Variants in GLE1 observed in about 807,000 individuals in gnomAD.
The protein encoded by GLE1 is mRNA export factor GLE1.
GLE1 carries 78 observed loss-of-function variants against 97.3 expected under a neutral mutation model. That is an observed-to-expected ratio of 0.80 (90% CI 0.67 to 0.97). GLE1 has a LOEUF of 0.97. Ranked by LOEUF, GLE1 falls within the 50% of genes least tolerant of loss-of-function variation. The probability of loss-of-function intolerance (pLI) is 0.00; values close to 1 mark genes in which losing one functional copy is unlikely to be tolerated. For synonymous variants in GLE1, 302 were observed against 313.4 expected (o/e 0.96, Z 0.39); for missense variants, 753 against 857.5 (o/e 0.88, Z 1.52).
chr9:128,509,981 GT>G (rs967548735), intron 2 of GLE1, among the ~76,000 whole-genome samples: 5 of 152,102 alleles, frequency 3.3e-5, no homozygotes, highest in African/African-American at 1.2e-4. Flanking sequence ...AATTTTGGAA[GT>G]TTTTTAAAAT....
intron 3 of GLE1, among the ~76,000 whole-genome samples, chr9:128,516,231 T>TA (rs951346365): frequency 6.6e-6 from 1 of 152,246 alleles, no homozygotes; most frequent in Non-Finnish European, 1.5e-5. Flanking sequence ...GTGCTGGGAT[T>TA]ACAGGCATGA....
In GLE1 at chr9:128,538,017, G is replaced by T. The variant is rs376686581; in HGVS notation, c.1808G>T (p.Arg603Leu). 1.9e-6 allele frequency: 3 copies of T among 1,611,550 alleles called. No individual in the cohort carries two copies. Among genetic ancestry groups the T allele is most frequent in the Non-Finnish European group, 2.5e-6 (3 of 1,177,830 alleles). The change falls in exon 13 of 16, where the codon CGC (arginine) becomes CTC (leucine). Residue 603 changes from arginine to leucine, a missense_variant. By Grantham distance (102) the Arg-to-Leu change is moderately radical. Transcript: ENST00000309971. The stretch of plus-strand genomic sequence containing the variant: ...CCTCATGGCTTAAATCATGGATGGC[G>T]CTGGTTGGCACAGATCTTAAACATG... ...IHPHGLNHGW[R>L]WLAQILNMEP... is the part of the protein sequence containing the mutation.
chr9:128,539,853 T>G, intron 14 of GLE1, 155 bp downstream of exon 14: 1 of 1,527,850 alleles, frequency 6.5e-7, no homozygotes, highest in Non-Finnish European at 8.8e-7. Flanking sequence ...TCGTTGATAT[T>G]TGAATAAATG....
rs1846587373 is a variant in GLE1, at chr9:128,504,721, A to T, written c.-85A>T. On this transcript the variant is annotated 5_prime_UTR_variant, in exon 1 of 16. Coordinates refer to ENST00000309971, the MANE Select transcript of GLE1 (RefSeq NM_001003722.2). ...TGCTGCGCGCGCGTCCCGGAAGCAG[A>T]AGCCTGTGTGGCCTTCCCGGCGGCT... is the stretch of plus-strand genomic sequence containing the variant. The T allele has an allele frequency of 1.1e-6, 1 of 929,318 alleles. No individual in the cohort carries two copies. Among genetic ancestry groups the T allele is most frequent in the African/African-American group, 1.6e-5 (1 of 62,416 alleles). The allele number at this position is 929,318 out of a possible 1,614,324, so 57.6% of individuals were successfully genotyped here.
In GLE1 at chr9:128,504,751, C is replaced by T; in HGVS notation, c.-55C>T. On this transcript the variant is annotated 5_prime_UTR_variant, in exon 1 of 16. Transcript: ENST00000309971. ...TGTGTGGCCTTCCCGGCGGCTGATTCGAGGGCTTGTTTGGTCAGAAGGGGG... is the reference window on the plus strand; with the variant it reads ...TGTGTGGCCTTCCCGGCGGCTGATTTGAGGGCTTGTTTGGTCAGAAGGGGG... 1 of 1,226,384 alleles carries T rather than the reference C, an allele frequency of 8.2e-7. No homozygotes were observed. The highest frequency in any genetic ancestry group is 1.2e-6 in the Non-Finnish European group (1 of 829,604). The allele number at this position is 1,226,384 out of a possible 1,614,324, so 76.0% of individuals were successfully genotyped here. A position where few individuals can be genotyped will look rare whatever the true frequency, so the allele number is the denominator to read the frequency against.
chr9:128,523,828 C>A lies in GLE1; in HGVS notation c.879C>A (p.Ile293=). 6.2e-7 allele frequency: 1 copy of A among 1,614,042 alleles called. No individual in the cohort carries two copies. Among genetic ancestry groups the A allele is most frequent in the South Asian group, 1.1e-5 (1 of 91,076 alleles). The change falls in exon 6 of 16, where the codon ATC becomes ATA. Residue 293 remains isoleucine (I), a synonymous_variant. Coordinates refer to ENST00000309971, the MANE Select transcript of GLE1 (RefSeq NM_001003722.2). ...AGCTGTGCAGCCTCATCTCAGGGATCATCCGGGCCTCTTCAGAGGTGAGGG... is the reference window on the plus strand; with the variant it reads ...AGCTGTGCAGCCTCATCTCAGGGATAATCCGGGCCTCTTCAGAGGTGAGGG... ...GNQLCSLISG[I]IRASSESSYP... is the part of the protein sequence containing the mutation.
intron 3 of GLE1, among the ~76,000 whole-genome samples, chr9:128,520,692 C>CGTGT (rs151275204): frequency 1.0e-4 from 15 of 149,636 alleles, no homozygotes; most frequent in African/African-American, 2.9e-4. Flanking sequence ...TCACACACAT[C>CGTGT]GTGTGTGTGT....
chr9:128,515,061 C>T (rs867419451), intron 2 of GLE1, among the ~76,000 whole-genome samples: 5 of 152,120 alleles, frequency 3.3e-5, no homozygotes, highest in East Asian at 1.9e-4. Context: ...CTTTGTGATC[C>T]GCCCACCTCT....
intron 3 of GLE1, among the ~76,000 whole-genome samples, chr9:128,520,360 GTGTATATA>G (rs200412318): frequency 0.05 from 7,338 of 147,974 alleles, 292 homozygotes; most frequent in East Asian, 0.16. Context: ...ATATGTATGT[GTGTATATA>G]TGTATATATG....
At chr9:128,512,592 G>T (rs1240052936) in intron 2 of GLE1, among the ~76,000 whole-genome samples, 1 of 152,004 alleles carries the variant, frequency 6.6e-6, no homozygotes, top group Non-Finnish European at 1.5e-5. Context: ...ATTGTGGCGT[G>T]CCCTCAGGTG....
rs530162264 is a variant in GLE1 at position 128,527,083 on chromosome 9, G to A, written c.1130-96G>A. 9 of 738,404 alleles carry A rather than the reference G, an allele frequency of 1.2e-5. No individual in the cohort carries two copies. In the East Asian group the frequency reaches 1.6e-4, roughly 13 times the overall value. 45.7% of individuals were successfully genotyped at this position (738,404 alleles called of 1,614,324 possible). A position where few individuals can be genotyped will look rare whatever the true frequency, so the allele number is the denominator to read the frequency against. On this transcript the variant is annotated intron_variant, in intron 7 of 15. Coordinates refer to ENST00000309971, the MANE Select transcript of GLE1 (RefSeq NM_001003722.2). ...CATAGTTATGGTGACAGTTAAAGCA[G>A]TCAGTACATACATAAAGTGATTATA... is the stretch of plus-strand genomic sequence containing the variant.
At chr9:128,510,525 G>A (rs1391544364) in intron 2 of GLE1, among the ~76,000 whole-genome samples, 1 of 100,164 alleles carries the variant, frequency 1.0e-5, no homozygotes, top group Non-Finnish European at 2.0e-5. Context: ...CCACACCCAG[G>A]CTTTTTTTTT....
At chr9:128,527,989 TTTTTTC>T (rs1270955174) in intron 9 of GLE1, among the ~76,000 whole-genome samples, 1,947 of 134,244 alleles carry the variant, frequency 0.015, 18 homozygotes, top group Middle Eastern at 0.026. Context: ...AGACTCTTTT[TTTTTTC>T]TTTTTTTCTT....
At chr9:128,517,999 A>C (rs1477013562) in intron 3 of GLE1, among the ~76,000 whole-genome samples, 2 of 152,144 alleles carry the variant, frequency 1.3e-5, no homozygotes. Flanking sequence ...GCTAGTAATC[A>C]GATCAGAGAT....
At chr9:128,520,443 T>C (rs1847121443) in intron 3 of GLE1, among the ~76,000 whole-genome samples, 2 of 148,296 alleles carry the variant, frequency 1.3e-5, no homozygotes, top group Admixed American at 1.4e-4. Context: ...TATATGTATA[T>C]ATATATAAAA....
chr9:128,514,855 C>T (rs1471374520), intron 2 of GLE1, among the ~76,000 whole-genome samples: 4 of 150,594 alleles, frequency 2.7e-5, no homozygotes, highest in South Asian at 2.1e-4. Context: ...CTTGCTCTGT[C>T]GCCCAGGCTG....
chr9:128,523,877 G>A (rs199679329), intron 6 of GLE1, 31 bp downstream of exon 6: 61 of 1,612,238 alleles, frequency 3.8e-5, no homozygotes, highest in Non-Finnish European at 4.8e-5. Context: ...ACTCTTTGCT[G>A]TCTTTGAAAT....
chr9:128,522,316 G>A (rs1847173164), intron 3 of GLE1, among the ~76,000 whole-genome samples: 1 of 152,174 alleles, frequency 6.6e-6, no homozygotes, highest in Admixed American at 6.5e-5. Context: ...CAGGTAGCCC[G>A]CAGGGGTAAA....
At chr9:128,537,453 C>CAAAAAAA (rs57584433) in intron 12 of GLE1, among the ~76,000 whole-genome samples, 1 of 43,944 alleles carries the variant, frequency 2.3e-5, no homozygotes, top group African/African-American at 8.9e-5. Flanking sequence ...AACTCTCCCT[C>CAAAAAAA]AAAAAAAAAA....
Sources: gnomAD v4.1 joint callset for allele counts (sites outside exome capture counted in the v4.1 genomes callset) on GRCh38, gnomAD v4.1.1 for gene constraint, MANE v1.5 for transcripts, NCBI Gene and HGNC (gene_info 2026-07-23, HGNC 2026-07-21) for gene names.